The following ZC3H12C variants were observed in gnomAD, a reference collection of about 807,000 sequenced individuals.
ZC3H12C encodes zinc finger CCCH-type containing 12C.
In ZC3H12C, 20 loss-of-function variants were observed where a neutral mutation model predicts 76.3. The ratio of observed to expected loss-of-function variants is 0.26; its 90% CI spans 0.18 to 0.38. ZC3H12C has a LOEUF of 0.38. Among genes scored for constraint, ZC3H12C ranks in the 10% least tolerant of loss-of-function variants. The probability of loss-of-function intolerance (pLI) is 1.00; values close to 1 mark genes in which losing one functional copy is unlikely to be tolerated. For missense variants in ZC3H12C, 874 were observed against 1,086.5 expected (o/e 0.80, Z 2.75); for synonymous variants, 352 against 399.6 (o/e 0.88, Z 1.42).
intron 1 of ZC3H12C, among the ~76,000 whole-genome samples, chr11:110,123,553 A>G (rs563760812): frequency 5.3e-5 from 8 of 152,286 alleles, no homozygotes; most frequent in Admixed American, 4.6e-4. Flanking sequence ...ACTCTTGATG[A>G]CATAGGACGG....
At chr11:110,113,653 G>A (rs577261404) in intron 1 of ZC3H12C, among the ~76,000 whole-genome samples, 1 of 152,202 alleles carries the variant, frequency 6.6e-6, no homozygotes, top group African/African-American at 2.4e-5. Context: ...TCTTCCTTTT[G>A]CAGAAATAGC....
At chr11:110,157,953 G>A (rs868154699) in intron 3 of ZC3H12C, among the ~76,000 whole-genome samples, 8 of 152,146 alleles carry the variant, frequency 5.3e-5, no homozygotes, top group Non-Finnish European at 8.8e-5. Context: ...CCGTTGCAGA[G>A]ATGGATTGAA....
intron 2 of ZC3H12C, among the ~76,000 whole-genome samples, chr11:110,139,548 A>C (rs1272729305): frequency 6.6e-6 from 1 of 152,226 alleles, no homozygotes; most frequent in Non-Finnish European, 1.5e-5. Flanking sequence ...TGGAATGCTC[A>C]TAGGGCTTTG....
intron 5 of ZC3H12C, among the ~76,000 whole-genome samples, chr11:110,163,865 A>G (rs1418051905): frequency 6.6e-6 from 1 of 152,142 alleles, no homozygotes; most frequent in East Asian, 1.9e-4. Context: ...TTGGGAGGCC[A>G]AGGTGGGCAG....
At chr11:110,120,749 T>C (rs1410569462) in intron 1 of ZC3H12C, among the ~76,000 whole-genome samples, 1 of 152,218 alleles carries the variant, frequency 6.6e-6, no homozygotes, top group Non-Finnish European at 1.5e-5. Context: ...GTGTCATTTT[T>C]CAATCACTGT....
intron 1 of ZC3H12C, among the ~76,000 whole-genome samples, chr11:110,116,399 A>G (rs1861526783): frequency 6.6e-6 from 1 of 152,006 alleles, no homozygotes; most frequent in Non-Finnish European, 1.5e-5. Flanking sequence ...TATTTTCTTT[A>G]TTTTCCAAAA....
At chr11:110,104,430 T>C (rs113937491) in intron 1 of ZC3H12C, among the ~76,000 whole-genome samples, 1 of 152,226 alleles carries the variant, frequency 6.6e-6, no homozygotes, top group African/African-American at 2.4e-5. Context: ...AGCTGTTCCT[T>C]GCTGACATGA....
intron 1 of ZC3H12C, among the ~76,000 whole-genome samples, chr11:110,098,472 G>A (rs1007852475): frequency 1.3e-5 from 2 of 152,138 alleles, no homozygotes; most frequent in South Asian, 2.1e-4. Flanking sequence ...TAAGTGTAGA[G>A]TGTTTATGAA....
chr11:110,094,434 C>A (rs957102401), intron 1 of ZC3H12C, among the ~76,000 whole-genome samples: 2 of 152,280 alleles, frequency 1.3e-5, no homozygotes, highest in African/African-American at 2.4e-5. Context: ...TCACTTGTTA[C>A]GTGCTTGAGT....
chr11:110,112,703 A>C (rs1455622958), intron 1 of ZC3H12C, among the ~76,000 whole-genome samples: 1 of 151,824 alleles, frequency 6.6e-6, no homozygotes, highest in East Asian at 1.9e-4. Context: ...TTCACTCTCC[A>C]CTCCCAGTCA....
chr11:110,111,694 C>T (rs1026521386), intron 1 of ZC3H12C, among the ~76,000 whole-genome samples: 4 of 139,534 alleles, frequency 2.9e-5, no homozygotes, highest in South Asian at 2.3e-4. Flanking sequence ...CCAGGCCTGA[C>T]TGATTTTTTT....
rs1862595875 is a variant in ZC3H12C, at chr11:110,166,961, G to A, written c.*1224G>A. 1 of 152,216 alleles carries A rather than the reference G, an allele frequency of 6.6e-6. No individual in the cohort carries two copies. The highest frequency in any genetic ancestry group is 6.5e-5 in the Admixed American group (1 of 15,284). 9.4% of individuals were successfully genotyped at this position (152,216 alleles called of 1,614,324 possible). On this transcript the variant is annotated 3_prime_UTR_variant, in exon 6 of 6. Transcript: ENST00000278590. ...CCAGACTCTTGCCACAAATAGTGTA[G>A]TTTTAGATACAGACTAAGGTCTGTT... is the stretch of plus-strand genomic sequence containing the variant.
chr11:110,097,024 G>A (rs61900160), intron 1 of ZC3H12C, among the ~76,000 whole-genome samples: 536 of 152,320 alleles, frequency 3.5e-3, no homozygotes, highest in Non-Finnish European at 5.1e-3. Flanking sequence ...CTATAGAAAT[G>A]TAATGTGCTT....
chr11:110,128,206 G>A (rs1376330423), intron 1 of ZC3H12C, among the ~76,000 whole-genome samples: 1 of 151,384 alleles, frequency 6.6e-6, no homozygotes, highest in African/African-American at 2.4e-5. Flanking sequence ...CCAGCTGTTT[G>A]TATTTTCCCT....
chr11:110,166,074 G>GT lies in ZC3H12C; in HGVS notation c.*341dup. The GT allele has an allele frequency of 5.0e-6, 1 of 201,212 alleles. No individual in the cohort carries two copies. The highest frequency in any genetic ancestry group is 1.0e-5 in the Non-Finnish European group (1 of 99,814). The allele number at this position is 201,212 out of a possible 1,614,324, so 12.5% of individuals were successfully genotyped here. A position where few individuals can be genotyped will look rare whatever the true frequency, so the allele number is the denominator to read the frequency against. On this transcript the variant is annotated 3_prime_UTR_variant, in exon 6 of 6. Transcript: ENST00000278590. Reference sequence around the variant, plus strand: ...TTTATATGCAGCACTTTTTATCCTTGTTTTGTGTTTTATTAACTTGGTGTT... The same window carrying GT: ...TTTATATGCAGCACTTTTTATCCTTGTTTTTGTGTTTTATTAACTTGGTGTT...
intron 1 of ZC3H12C, among the ~76,000 whole-genome samples, chr11:110,098,112 C>T (rs978954174): frequency 1.3e-5 from 2 of 152,104 alleles, no homozygotes; most frequent in African/African-American, 4.8e-5. Context: ...CAGTGCCGTG[C>T]CTGTTACCGC....
intron 1 of ZC3H12C, among the ~76,000 whole-genome samples, chr11:110,134,425 A>G (rs77755694): frequency 1.3e-5 from 2 of 152,070 alleles, no homozygotes; most frequent in South Asian, 4.2e-4. Context: ...CTCGTTTAAG[A>G]TACTTTTGGT....
rs1377253483 is a variant in ZC3H12C at position 110,131,094 on chromosome 11, T to A, written c.22-5569T>A. On this transcript the variant is annotated intron_variant, in intron 1 of 5. Transcript: ENST00000278590. ...TGCTACAGAAACCAATGTCTTTGTA[T>A]TTTCCTGCTAACGTGAGTATTTGTG... is the stretch of plus-strand genomic sequence containing the variant. 4.6e-6 allele frequency: 7 copies of A among 1,535,762 alleles called. No individual in the cohort carries two copies. The Admixed American group carries it at 1.4e-4, about 30-fold the overall frequency.
rs1591489617 is a variant in ZC3H12C at position 110,166,000 on chromosome 11, T to TC, written c.*263_*264insC. On this transcript the variant is annotated 3_prime_UTR_variant, in exon 6 of 6. Transcript: ENST00000278590. ...GGCTGGAAATTTTTCCAGTTTGATT[T>TC]AATAGATGTATCTGTGATCTTTGAT... 2.4e-6 allele frequency: 1 copy of TC among 408,800 alleles called. No homozygotes were observed. The allele number at this position is 408,800 out of a possible 1,614,324, so 25.3% of individuals were successfully genotyped here.
Sources: allele counts gnomAD v4.1 joint callset (sites outside exome capture counted in the v4.1 genomes callset), GRCh38; gene constraint gnomAD v4.1.1; transcripts MANE v1.5; gene names NCBI Gene and HGNC (gene_info 2026-07-23, HGNC 2026-07-21).